Variants in SYPL1 observed in about 807,000 individuals in gnomAD.
SYPL1 encodes synaptophysin like 1.
In SYPL1, 6 loss-of-function variants were observed where a neutral mutation model predicts 23.7. That is an observed-to-expected ratio of 0.25 (90% CI 0.14 to 0.50). The LOEUF is 0.50. SYPL1 is among the 20% of genes least tolerant of loss of function. SYPL1 has a pLI of 0.98. For synonymous variants in SYPL1, 102 were observed against 104.5 expected, an observed-to-expected ratio of 0.98 and a Z score of 0.15; for missense variants, 253 against 288.9, an observed-to-expected ratio of 0.88 and a Z score of 0.90.
chr7:106,107,952 G>C (rs562947573), intron 1 of SYPL1, among the ~76,000 whole-genome samples: 3 of 151,824 alleles, frequency 2.0e-5, no homozygotes, highest in African/African-American at 7.3e-5. Flanking sequence ...CCCAGCACTT[G>C]GGGAGGCCGA....
At chr7:106,092,672 C>CTAAAA in intron 4 of SYPL1, 1 of 270,054 alleles carries the variant, frequency 3.7e-6, no homozygotes, top group Non-Finnish European at 6.6e-6. Flanking sequence ...AACTCCATCT[C>CTAAAA]AAAAAAAAAA....
Position 106,104,878 on chromosome 7 carries a change from C to T in SYPL1, c.70-5596G>A, listed in dbSNP as rs189722276. Among the ~76,000 whole-genome samples, 7 of 152,212 alleles carry T rather than the reference C, an allele frequency of 4.6e-5. No homozygotes were observed. Among genetic ancestry groups the T allele is most frequent in the African/African-American group, 7.2e-5 (3 of 41,536 alleles). On this transcript the variant is annotated intron_variant, in intron 1 of 4. Coordinates refer to ENST00000455385, the MANE Select transcript of SYPL1 (RefSeq NM_182715.4). This position sits in a 1 kb window ranked among gnomAD's most constrained non-coding sequence, Gnocchi z 4.1. ...ATACTGGCAGCCTGTTGGTAAAACCCGGCCTGCAAATATATTTGTGTGGCC... is the reference window on the plus strand; with the variant it reads ...ATACTGGCAGCCTGTTGGTAAAACCTGGCCTGCAAATATATTTGTGTGGCC...
intron 1 of SYPL1, among the ~76,000 whole-genome samples, chr7:106,101,459 C>T (rs1475567953): frequency 9.0e-5 from 3 of 33,358 alleles, no homozygotes; most frequent in East Asian, 1.9e-3. Flanking sequence ...CCCCCCCCCC[C>T]CCCCCCCCAC....
intron 2 of SYPL1, among the ~76,000 whole-genome samples, chr7:106,098,698 T>C (rs1251417852): frequency 6.6e-6 from 1 of 152,228 alleles, no homozygotes; most frequent in Non-Finnish European, 1.5e-5. Context: ...TTTATGCTAA[T>C]GAATGAAATA....
upstream of SYPL1, chr7:106,112,362 C>T: frequency 1.7e-6 from 2 of 1,182,928 alleles, no homozygotes; most frequent in Non-Finnish European, 2.1e-6. Flanking sequence ...CGGGGCGGGG[C>T]GGAGCGGCGG....
Position 106,096,348 on chromosome 7 carries a change from TTGTAA to T in SYPL1, c.402+1337_402+1341del, listed in dbSNP as rs577298659. 30 of 152,218 alleles carry T rather than the reference TTGTAA, an allele frequency of 2.0e-4. No individual in the cohort carries two copies. Among genetic ancestry groups the T allele is most frequent in the Non-Finnish European group, 4.0e-4 (27 of 68,014 alleles). The allele number at this position is 152,218 out of a possible 1,614,324, so 9.4% of individuals were successfully genotyped here. The stretch of plus-strand genomic sequence containing the variant: ...TTAAAAATAAATATGTAAATAAAAC[TTGTAA>T]TGTTATTTAATAATCCTTCATATTT... On this transcript the variant is annotated intron_variant, in intron 3 of 4. Coordinates refer to ENST00000455385, the MANE Select transcript of SYPL1 (RefSeq NM_182715.4). The surrounding 1 kb of genome is among the most constrained non-coding windows in gnomAD (Gnocchi z 4.4).
At chr7:106,111,454 G>C (rs886704009) in intron 1 of SYPL1, among the ~76,000 whole-genome samples, 2 of 152,132 alleles carry the variant, frequency 1.3e-5, no homozygotes, top group African/African-American at 4.8e-5. Context: ...AGTGTTCTCA[G>C]GAAAGGACTA....
chr7:106,093,217 G>C, intron 3 of SYPL1, 80 bp from the exon 4 acceptor site: 2 of 1,311,048 alleles, frequency 1.5e-6, no homozygotes, highest in East Asian at 2.6e-5. Context: ...AAGAAACTGA[G>C]ATTACATTCA....
intron 4 of SYPL1, 72 bp from the exon 5 acceptor site, chr7:106,092,011 C>T (rs1463085128): frequency 4.2e-6 from 6 of 1,429,182 alleles, no homozygotes; most frequent in African/African-American, 2.9e-5. Context: ...TTAAAAATCT[C>T]ACTTTTTCTT....
At position 106,102,091 on chromosome 7, in the gene SYPL1, T is replaced by G. The variant is rs569808596; in HGVS notation, c.70-2809A>C. ...TTCTGAGACTCAGTTATAAAAAGATTACAACTTTTTTTTTTTTTTGAGACA... is the reference window on the plus strand; with the variant it reads ...TTCTGAGACTCAGTTATAAAAAGATGACAACTTTTTTTTTTTTTTGAGACA... On this transcript the variant is annotated intron_variant, in intron 1 of 4. Coordinates refer to ENST00000455385, the MANE Select transcript of SYPL1 (RefSeq NM_182715.4). Among the ~76,000 whole-genome samples the G allele has an allele frequency of 1.6e-4, 22 of 141,080 alleles. 2 individuals are homozygous for G. The South Asian group carries it at 5.0e-3, about 32-fold the overall frequency. 92.6% of individuals were successfully genotyped at this position (141,080 alleles called of 152,430 possible).
chr7:106,093,557 A>AT (rs1478017101), intron 3 of SYPL1, among the ~76,000 whole-genome samples: 9 of 68,422 alleles, frequency 1.3e-4, no homozygotes, highest in Non-Finnish European at 2.8e-4. Context: ...CCCCAATCCT[A>AT]AAACTCCTTT....
In SYPL1 at chr7:106,112,285, G is replaced by A. The variant is rs946512407; in HGVS notation, c.-77C>T. The A allele has an allele frequency of 1.5e-5, 21 of 1,402,798 alleles. No individual in the cohort carries two copies. Among genetic ancestry groups the A allele is most frequent in the Non-Finnish European group, 1.8e-5 (19 of 1,062,314 alleles). The allele number at this position is 1,402,798 out of a possible 1,614,324, so 86.9% of individuals were successfully genotyped here. A position where few individuals can be genotyped will look rare whatever the true frequency, so the allele number is the denominator to read the frequency against. On this transcript the variant is annotated 5_prime_UTR_variant, in exon 1 of 5. Transcript: ENST00000455385. The stretch of plus-strand genomic sequence containing the variant: ...ACCGACGAGACCAGAGCAGCCCGGT[G>A]GCGAGGAAGGGCAGGCGGGGCTGGC...
rs1840114344 is a variant in SYPL1, at chr7:106,097,969, G to A, written c.195-72C>T. 1.6e-6 allele frequency: 2 copies of A among 1,269,342 alleles called. No individual in the cohort carries two copies. Among genetic ancestry groups the A allele is most frequent in the Non-Finnish European group, 2.2e-6 (2 of 913,938 alleles). The allele number at this position is 1,269,342 out of a possible 1,614,324, so 78.6% of individuals were successfully genotyped here. A position where few individuals can be genotyped will look rare whatever the true frequency, so the allele number is the denominator to read the frequency against. On this transcript the variant is annotated intron_variant, in intron 2 of 4. Coordinates refer to ENST00000455385, the MANE Select transcript of SYPL1 (RefSeq NM_182715.4). The surrounding 1 kb of genome is among the most constrained non-coding windows in gnomAD (Gnocchi z 4.6). ...GAAACATTTAAGCAAAACAATGAGTGACACTTCAAAAAATACTCCCCAAAT... is the reference window on the plus strand; with the variant it reads ...GAAACATTTAAGCAAAACAATGAGTAACACTTCAAAAAATACTCCCCAAAT...
chr7:106,112,020 G>A (rs1414997162), intron 1 of SYPL1, 120 bp downstream of exon 1: 1 of 1,136,514 alleles, frequency 8.8e-7, no homozygotes, highest in Non-Finnish European at 1.1e-6. Context: ...TCCCAGTCCC[G>A]GGGCGGCGGC....
intron 3 of SYPL1, among the ~76,000 whole-genome samples, chr7:106,094,168 G>C (rs1220495698): frequency 6.6e-6 from 1 of 152,170 alleles, no homozygotes; most frequent in African/African-American, 2.4e-5. Flanking sequence ...GCTTATCACA[G>C]AAGCATTTTG....
Position 106,098,881 on chromosome 7 carries a change from A to T in SYPL1, c.194+277T>A, listed in dbSNP as rs549783295. ...AGTTTGCTTTATTTTTACATTTCCA[A>T]TCCTCTGTTAGAATAAAATTATCAA... is the stretch of plus-strand genomic sequence containing the variant. On this transcript the variant is annotated intron_variant, in intron 2 of 4. Transcript: ENST00000455385. 4.6e-5 allele frequency among the ~76,000 whole-genome samples: 7 copies of T among 152,292 alleles called. No homozygotes were observed. In the South Asian group the frequency reaches 8.3e-4, roughly 18 times the overall value.
intron 1 of SYPL1, 159 bp downstream of exon 1, chr7:106,111,981 G>T (rs1310913731): frequency 1.0e-6 from 1 of 960,960 alleles, no homozygotes; most frequent in Non-Finnish European, 1.3e-6. Flanking sequence ...GGCCCAGGCC[G>T]CGGCCTCCCT....
intron 4 of SYPL1, 93 bp from the exon 5 acceptor site, chr7:106,092,032 A>G: frequency 7.9e-7 from 1 of 1,269,442 alleles, no homozygotes; most frequent in Non-Finnish European, 1.1e-6. Context: ...TAAATATTTA[A>G]CATTTTTAGG....
chr7:106,091,756 CA>C lies in SYPL1; in HGVS notation c.*48del. ...ATAATGCTTCTCAAGGTGTTGGCAA[CA>C]TGTCATAGTATCAACATATACTTCA... On this transcript the variant is annotated 3_prime_UTR_variant, in exon 5 of 5. Transcript: ENST00000455385. The surrounding 1 kb of genome is among the most constrained non-coding windows in gnomAD (Gnocchi z 5.0). 1 of 1,551,366 alleles carries C rather than the reference CA, an allele frequency of 6.4e-7. No homozygotes were observed. The highest frequency in any genetic ancestry group is 2.3e-5 in the East Asian group (1 of 43,878).
Sources: allele counts gnomAD v4.1 joint callset (sites outside exome capture counted in the v4.1 genomes callset), GRCh38; gene constraint gnomAD v4.1.1; non-coding constraint Gnocchi (gnomAD v3.1); transcripts MANE v1.5; gene names NCBI Gene and HGNC (gene_info 2026-07-23, HGNC 2026-07-21).